Variants in MAGI2 observed in about 807,000 individuals in gnomAD.
MAGI2 encodes the protein membrane-associated guanylate kinase, WW and PDZ domain-containing protein 2.
A neutral mutation model predicts 133.3 loss-of-function variants in MAGI2; 35 were observed. The observed-to-expected ratio is 0.26, with a 90% confidence interval of 0.20 to 0.35. The LOEUF (loss-of-function observed/expected upper bound fraction) is 0.35. Ranked by LOEUF, MAGI2 falls within the 10% of genes least tolerant of loss-of-function variation. The pLI, the probability that MAGI2 is intolerant of heterozygous loss-of-function variation, is 1.00. For missense variants in MAGI2, 1,636 were observed against 1,863.4 expected (o/e 0.88, Z 2.25); for synonymous variants, 729 against 710.6 (o/e 1.03, Z -0.41).
intron 1 of MAGI2, among the ~76,000 whole-genome samples, chr7:79,036,743 A>G (rs919686207): frequency 6.6e-6 from 1 of 152,194 alleles, no homozygotes; most frequent in Admixed American, 6.5e-5. Context: ...TGTGAGGGTA[A>G]TGGATGGATA....
At chr7:79,235,290 G>A (rs1831801496) in intron 1 of MAGI2, among the ~76,000 whole-genome samples, 1 of 152,208 alleles carries the variant, frequency 6.6e-6, no homozygotes, top group Non-Finnish European at 1.5e-5. Flanking sequence ...TAGAGAGGCA[G>A]GCAGGCCTCC....
chr7:78,846,250 T>C (rs1792595860), intron 2 of MAGI2, among the ~76,000 whole-genome samples: 1 of 151,992 alleles, frequency 6.6e-6, no homozygotes, highest in Admixed American at 6.6e-5. Flanking sequence ...AGAAAAGAAT[T>C]GGAGATAAGC....
At chr7:79,107,074 G>T (rs1023055070) in intron 1 of MAGI2, among the ~76,000 whole-genome samples, 1 of 152,108 alleles carries the variant, frequency 6.6e-6, no homozygotes, top group African/African-American at 2.4e-5. Flanking sequence ...TTTGGCAAAA[G>T]GTATTTTGCA....
At chr7:78,764,686 G>A (rs1585337086) in intron 2 of MAGI2, among the ~76,000 whole-genome samples, 1 of 152,116 alleles carries the variant, frequency 6.6e-6, no homozygotes, top group South Asian at 2.1e-4. Context: ...AATCTGTACA[G>A]CCAAATACAG....
chr7:78,763,122 T>C (rs1824680532), intron 2 of MAGI2, among the ~76,000 whole-genome samples: 1 of 152,222 alleles, frequency 6.6e-6, no homozygotes, highest in Admixed American at 6.5e-5. Flanking sequence ...TCAGGGGATA[T>C]GTACTACTAA....
intron 1 of MAGI2, among the ~76,000 whole-genome samples, chr7:79,078,082 A>G (rs1244025675): frequency 6.6e-6 from 1 of 152,230 alleles, no homozygotes; most frequent in Admixed American, 6.5e-5. Flanking sequence ...GACCTTATCT[A>G]TAAGTTCCAT....
At chr7:78,497,391 T>G (rs1222700341) in intron 5 of MAGI2, among the ~76,000 whole-genome samples, 3 of 152,144 alleles carry the variant, frequency 2.0e-5, no homozygotes, top group African/African-American at 7.2e-5. Flanking sequence ...TTATCAATCA[T>G]CAAAAGAAGC....
chr7:78,181,095 G>T (rs1460214663), intron 13 of MAGI2, among the ~76,000 whole-genome samples: 2 of 151,846 alleles, frequency 1.3e-5, no homozygotes, highest in Non-Finnish European at 2.9e-5. Context: ...AGCTCTCTTC[G>T]CAGATTGTGA....
intron 16 of MAGI2, among the ~76,000 whole-genome samples, chr7:78,151,017 G>A (rs1052863356): frequency 6.6e-6 from 1 of 150,406 alleles, no homozygotes; most frequent in African/African-American, 2.4e-5. Flanking sequence ...ATGCTTCAGT[G>A]TTCCGGTATC....
chr7:78,314,976 A>T lies in MAGI2; in HGVS notation c.1408+28802T>A, dbSNP rs551654716. 5.1e-4 allele frequency among the ~76,000 whole-genome samples: 78 copies of T among 152,290 alleles called. 1 individual carries two copies. The highest frequency in any genetic ancestry group is 1.5e-3 in the African/African-American group (64 of 41,570). ...GGACTTTATCCAGTTTGCAGATAGG[A>T]CATGCTATAGAAAGGTCACAGTTTT... On this transcript the variant is annotated intron_variant, in intron 9 of 21. Transcript: ENST00000354212.
At chr7:78,280,853 C>CAAAAAAA (rs36097343) in intron 9 of MAGI2, among the ~76,000 whole-genome samples, 7 of 108,062 alleles carry the variant, frequency 6.5e-5, no homozygotes, top group African/African-American at 2.2e-4. Context: ...GATGGGTATA[C>CAAAAAAA]AAAAAAAAAA....
At chr7:79,163,672 C>T (rs997182325) in intron 1 of MAGI2, among the ~76,000 whole-genome samples, 1 of 152,074 alleles carries the variant, frequency 6.6e-6, no homozygotes, top group African/African-American at 2.4e-5. Flanking sequence ...GGTAAACACA[C>T]TGTGAGTCTG....
At chr7:78,089,030 G>A (rs896443410) in intron 20 of MAGI2, among the ~76,000 whole-genome samples, 1 of 152,148 alleles carries the variant, frequency 6.6e-6, no homozygotes, top group African/African-American at 2.4e-5. Flanking sequence ...AAGCCAAGGA[G>A]TTTCTAGAAG....
At chr7:78,136,265 G>A (rs549845867) in intron 16 of MAGI2, among the ~76,000 whole-genome samples, 159 of 152,096 alleles carry the variant, frequency 1.0e-3, no homozygotes, top group African/African-American at 3.2e-3. Flanking sequence ...GACTACAGGC[G>A]CCCGCGACCA....
At chr7:79,347,652 CT>C (rs776845510) in intron 1 of MAGI2, among the ~76,000 whole-genome samples, 20 of 151,914 alleles carry the variant, frequency 1.3e-4, no homozygotes, top group Non-Finnish European at 2.7e-4. Context: ...TGTGGAAGAG[CT>C]GTTTTCCCCT....
intron 2 of MAGI2, among the ~76,000 whole-genome samples, chr7:78,957,240 G>A (rs1405770284): frequency 6.9e-6 from 1 of 145,636 alleles, no homozygotes; most frequent in Non-Finnish European, 1.5e-5. Context: ...ACTCCAGCCT[G>A]GGTGACAGAG....
intron 2 of MAGI2, among the ~76,000 whole-genome samples, chr7:78,803,687 A>C (rs1788275249): frequency 6.6e-6 from 1 of 152,324 alleles, no homozygotes; most frequent in South Asian, 2.1e-4. Flanking sequence ...GTGTTGAATA[A>C]TATTTATGGC....
intron 2 of MAGI2, among the ~76,000 whole-genome samples, chr7:78,790,492 G>T (rs914179063): frequency 6.6e-6 from 1 of 152,120 alleles, no homozygotes; most frequent in Non-Finnish European, 1.5e-5. Flanking sequence ...GGAGTGCAGT[G>T]TTGGGATCTT....
intron 3 of MAGI2, among the ~76,000 whole-genome samples, chr7:78,575,030 C>T (rs1026090746): frequency 6.6e-6 from 1 of 152,174 alleles, no homozygotes; most frequent in Non-Finnish European, 1.5e-5. Flanking sequence ...TCTACACCCG[C>T]AGTTTCTAAT....
Sources: gnomAD v4.1 joint callset for allele counts (sites outside exome capture counted in the v4.1 genomes callset) on GRCh38, gnomAD v4.1.1 for gene constraint, MANE v1.5 for transcripts, NCBI Gene and HGNC (gene_info 2026-07-23, HGNC 2026-07-21) for gene names.